DEPTOR: variants seen among roughly 807,000 people sequenced by gnomAD.
DEPTOR encodes the protein DEP domain-containing mTOR-interacting protein.
A neutral mutation model predicts 41.6 loss-of-function variants in DEPTOR; 41 were observed. The ratio of observed to expected loss-of-function variants is 0.98; its 90% confidence interval spans 0.77 to 1.28. The LOEUF (loss-of-function observed/expected upper bound fraction) is 1.28. DEPTOR is among the 50% of genes most tolerant of loss of function. The probability of loss-of-function intolerance (pLI) is 0.00; values close to 1 mark genes in which losing one functional copy is unlikely to be tolerated. For synonymous variants in DEPTOR, 195 were observed against 192.3 expected, an observed-to-expected ratio of 1.01 and a Z score of -0.12; for missense variants, 514 against 527.9, an observed-to-expected ratio of 0.97 and a Z score of 0.26.
intron 3 of DEPTOR, among the ~76,000 whole-genome samples, chr8:119,959,679 C>T (rs1828465281): frequency 6.6e-6 from 1 of 151,896 alleles, no homozygotes; most frequent in Admixed American, 6.6e-5. Flanking sequence ...TACAGGCATG[C>T]ACCACCACAC....
At chr8:119,879,984 A>C (rs1827278060) in intron 1 of DEPTOR, among the ~76,000 whole-genome samples, 1 of 151,980 alleles carries the variant, frequency 6.6e-6, no homozygotes, top group Non-Finnish European at 1.5e-5. Flanking sequence ...TCTACTAAAA[A>C]TACAAAAATT....
At chr8:119,884,758 C>T (rs1827342650) in intron 1 of DEPTOR, among the ~76,000 whole-genome samples, 1 of 151,732 alleles carries the variant, frequency 6.6e-6, no homozygotes, top group African/African-American at 2.4e-5. Context: ...GAGTCTCTCT[C>T]TGTTGCTCAG....
intron 1 of DEPTOR, among the ~76,000 whole-genome samples, chr8:119,892,044 G>A (rs1645982106): frequency 6.6e-6 from 1 of 152,080 alleles, no homozygotes; most frequent in Admixed American, 6.6e-5. Flanking sequence ...TGTCACCCAG[G>A]CTGGAGTGCA....
intron 1 of DEPTOR, among the ~76,000 whole-genome samples, chr8:119,881,844 G>C (rs1303740561): frequency 6.6e-6 from 1 of 152,052 alleles, no homozygotes; most frequent in African/African-American, 2.4e-5. Flanking sequence ...GGAGTCAATG[G>C]TCAAGAGCCT....
chr8:119,980,215 C>T (rs894165790), intron 4 of DEPTOR, among the ~76,000 whole-genome samples: 3 of 150,574 alleles, frequency 2.0e-5, no homozygotes, highest in East Asian at 2.0e-4. Context: ...TACTTTAACT[C>T]GCCATCTCCA....
rs192876029 is a variant in DEPTOR, at chr8:119,977,335, G to C, written c.604+11925G>C. On this transcript the variant is annotated intron_variant, in intron 4 of 8. Coordinates refer to ENST00000286234, the MANE Select transcript of DEPTOR (RefSeq NM_022783.4). ...TGTTTTTTTTAGATGAAGACGTTGA[G>C]GCATTTGCAACTGGTATAATCATTC... Among the ~76,000 whole-genome samples the C allele has an allele frequency of 2.2e-3, 338 of 151,996 alleles. 1 individual carries two copies. Among genetic ancestry groups the C allele is most frequent in the Non-Finnish European group, 4.0e-3 (273 of 67,988 alleles).
chr8:119,899,466 A>G (rs569646786), intron 1 of DEPTOR, among the ~76,000 whole-genome samples: 3 of 152,358 alleles, frequency 2.0e-5, no homozygotes, highest in South Asian at 4.1e-4. Flanking sequence ...GATGCTAAAC[A>G]TAGACTTATA....
rs73705883 is a variant in DEPTOR, at chr8:120,019,545, C to T, written c.1101+10412C>T. ...GACAGAATCTTGGCTCCATTCCTCA[C>T]GCCCGTGTAACTTTTGGCAAATTGT... On this transcript the variant is annotated intron_variant, in intron 8 of 8. Coordinates refer to ENST00000286234, the MANE Select transcript of DEPTOR (RefSeq NM_022783.4). Among the ~76,000 whole-genome samples, 449 of 152,282 alleles carry T rather than the reference C, an allele frequency of 2.9e-3. 3 individuals carry two copies. Among genetic ancestry groups the T allele is most frequent in the African/African-American group, 0.01 (428 of 41,564 alleles).
intron 4 of DEPTOR, among the ~76,000 whole-genome samples, chr8:119,996,505 G>A (rs1812261608): frequency 6.6e-6 from 1 of 152,118 alleles, no homozygotes; most frequent in South Asian, 2.1e-4. Flanking sequence ...ATATAAAGTT[G>A]ACTTTTGTAT....
At chr8:119,913,890 C>T (rs994704146) in intron 1 of DEPTOR, among the ~76,000 whole-genome samples, 5 of 152,186 alleles carry the variant, frequency 3.3e-5, no homozygotes, top group Non-Finnish European at 7.3e-5. Flanking sequence ...GCCCTAGCGT[C>T]ACCTCTGTGC....
intron 3 of DEPTOR, among the ~76,000 whole-genome samples, chr8:119,951,868 G>A (rs1290013371): frequency 6.6e-6 from 1 of 152,126 alleles, no homozygotes; most frequent in Non-Finnish European, 1.5e-5. Flanking sequence ...GCTGAGTGTG[G>A]TGGCTCACGC....
At chr8:120,009,265 G>A in intron 8 of DEPTOR, 132 bp downstream of exon 8, 1 of 772,718 alleles carries the variant, frequency 1.3e-6, no homozygotes, top group Non-Finnish European at 2.0e-6. Flanking sequence ...TCTCTTTCTT[G>A]TTCTCCAAAG....
chr8:119,994,808 T>C (rs1370371898), intron 4 of DEPTOR, among the ~76,000 whole-genome samples: 1 of 151,562 alleles, frequency 6.6e-6, no homozygotes, highest in Non-Finnish European at 1.5e-5. Context: ...TCTCAGCTAC[T>C]TGAGAGGCTG....
chr8:120,030,751 C>T (rs756334424), intron 8 of DEPTOR, among the ~76,000 whole-genome samples: 8 of 151,844 alleles, frequency 5.3e-5, no homozygotes, highest in South Asian at 2.1e-4. Flanking sequence ...GTAATGCACT[C>T]GCCTTGTGCT....
intron 1 of DEPTOR, among the ~76,000 whole-genome samples, chr8:119,921,252 C>T (rs911301586): frequency 4.6e-5 from 7 of 152,208 alleles, no homozygotes; most frequent in African/African-American, 1.4e-4. Flanking sequence ...GCTGGGATTA[C>T]AGGTGTGAGC....
intron 7 of DEPTOR, 139 bp from the exon 8 acceptor site, chr8:120,008,890 C>G (rs760895320): frequency 6.7e-6 from 5 of 743,374 alleles, no homozygotes; most frequent in Non-Finnish European, 1.1e-5. Context: ...GTGTTCCAAT[C>G]CCCTGGCAGG....
At chr8:120,002,136 A>G (rs1812359397) in intron 5 of DEPTOR, among the ~76,000 whole-genome samples, 1 of 151,866 alleles carries the variant, frequency 6.6e-6, no homozygotes. Flanking sequence ...AATAAATACA[A>G]GTTTTTGTTT....
chr8:119,916,188 CTT>C (rs1262786552), intron 1 of DEPTOR, among the ~76,000 whole-genome samples: 21 of 151,970 alleles, frequency 1.4e-4, no homozygotes, highest in Non-Finnish European at 2.5e-4. Flanking sequence ...CAACCTCCAC[CTT>C]CTGGGTTCAA....
chr8:119,920,135 G>T (rs1827871210), intron 1 of DEPTOR, among the ~76,000 whole-genome samples: 1 of 151,998 alleles, frequency 6.6e-6, no homozygotes, highest in Non-Finnish European at 1.5e-5. Context: ...CAGTGGGATT[G>T]AAAATGCAGC....
Sources: gnomAD v4.1 joint callset for allele counts (sites outside exome capture counted in the v4.1 genomes callset) on GRCh38, gnomAD v4.1.1 for gene constraint, MANE v1.5 for transcripts, NCBI Gene and HGNC (gene_info 2026-07-23, HGNC 2026-07-21) for gene names.